Variants in TBC1D19 observed in about 807,000 individuals in gnomAD.
The protein encoded by TBC1D19 is TBC1 domain family member 19.
TBC1D19 carries 60 observed loss-of-function variants against 89.0 expected under a neutral mutation model. That is an observed-to-expected ratio of 0.67 (90% CI 0.55 to 0.84). The LOEUF (loss-of-function observed/expected upper bound fraction) is 0.84. TBC1D19 is among the 40% of genes least tolerant of loss of function. TBC1D19 has a pLI of 0.00. For synonymous variants in TBC1D19, 189 were observed against 199.7 expected (o/e 0.95, Z 0.45); for missense variants, 500 against 610.8 (o/e 0.82, Z 1.91).
chr4:26,653,269 A>C (rs1408875313), intron 7 of TBC1D19, among the ~76,000 whole-genome samples: 1 of 152,158 alleles, frequency 6.6e-6, no homozygotes, highest in African/African-American at 2.4e-5. Flanking sequence ...ACATTTGCTG[A>C]GGAGTGCTTT....
At chr4:26,722,927 T>C (rs949546788) in intron 15 of TBC1D19, among the ~76,000 whole-genome samples, 4 of 152,330 alleles carry the variant, frequency 2.6e-5, no homozygotes, top group Admixed American at 2.6e-4. Flanking sequence ...CCAAGCTGTC[T>C]GGCTTCAGAA....
intron 8 of TBC1D19, among the ~76,000 whole-genome samples, chr4:26,663,621 G>A (rs1364106460): frequency 2.0e-5 from 3 of 152,192 alleles, no homozygotes; most frequent in African/African-American, 7.2e-5. Flanking sequence ...AGCTATTGGA[G>A]AACCAAAAGC....
chr4:26,723,867 C>A (rs904329047), intron 15 of TBC1D19, among the ~76,000 whole-genome samples: 1 of 152,100 alleles, frequency 6.6e-6, no homozygotes, highest in Non-Finnish European at 1.5e-5. Context: ...TAAAATCAGT[C>A]AATCATCAGT....
chr4:26,663,976 A>T (rs910239476), intron 8 of TBC1D19, among the ~76,000 whole-genome samples: 2 of 152,214 alleles, frequency 1.3e-5, no homozygotes. Flanking sequence ...TAATTTGGTT[A>T]TGTGGAGACA....
chr4:26,732,178 T>C (rs1196207566), intron 15 of TBC1D19, among the ~76,000 whole-genome samples: 1 of 152,318 alleles, frequency 6.6e-6, no homozygotes, highest in Admixed American at 6.5e-5. Flanking sequence ...TCTACTCTGC[T>C]TCGTTAGAGG....
At position 26,584,284 on chromosome 4, in the gene TBC1D19, C is replaced by A. The variant is rs1264156490; in HGVS notation, c.91C>A (p.Gln31Lys). 3.7e-6 allele frequency: 6 copies of A among 1,609,834 alleles called. No individual in the cohort carries two copies. The highest frequency in any genetic ancestry group is 5.1e-6 in the Non-Finnish European group (6 of 1,178,436). ...GSNLYSQLER[Q>K]AWASLQRPEI... is the part of the protein sequence containing the mutation. ...CAATTTGTACTCTCAGCTGGAACGG[C>A]AGGCCTGGGTAAGTGAGGCCGAGTG... The change falls in exon 1 of 21, where the codon CAG (glutamine) becomes AAG (lysine). Residue 31 changes from glutamine to lysine, a missense_variant. Physicochemically the swap from Gln to Lys is moderately conservative, Grantham distance 53. This residue lies in a region of TBC1D19 where 280 missense variants were observed against 291.7 expected (regional missense o/e 0.96). Coordinates refer to ENST00000264866, the MANE Select transcript of TBC1D19 (RefSeq NM_018317.4).
intron 11 of TBC1D19, among the ~76,000 whole-genome samples, chr4:26,682,350 G>T (rs988667331): frequency 6.6e-6 from 1 of 152,150 alleles, no homozygotes; most frequent in Non-Finnish European, 1.5e-5. Context: ...AAATTTAAAT[G>T]ACTAAAAATA....
intron 4 of TBC1D19, among the ~76,000 whole-genome samples, chr4:26,624,891 C>T (rs1055472054): frequency 3.9e-5 from 6 of 152,124 alleles, no homozygotes; most frequent in East Asian, 3.9e-4. Context: ...TAGGAAGTTT[C>T]GTCCACGCAC....
intron 18 of TBC1D19, among the ~76,000 whole-genome samples, chr4:26,747,373 G>C (rs1718709301): frequency 6.6e-6 from 1 of 152,090 alleles, no homozygotes; most frequent in Non-Finnish European, 1.5e-5. Context: ...TATATAAAGA[G>C]ATATTCTAAA....
chr4:26,754,654 G>A (rs1719170437), intron 20 of TBC1D19, among the ~76,000 whole-genome samples: 1 of 152,102 alleles, frequency 6.6e-6, no homozygotes. Context: ...AGAAGACTGA[G>A]GCTAACATCC....
chr4:26,734,918 A>T (rs1265110844), intron 15 of TBC1D19, among the ~76,000 whole-genome samples: 3 of 104,954 alleles, frequency 2.9e-5, no homozygotes, highest in Admixed American at 1.2e-4. Flanking sequence ...ACACATGTGT[A>T]CATACACATA....
chr4:26,594,241 CA>C (rs1393506216), intron 1 of TBC1D19, among the ~76,000 whole-genome samples: 2 of 152,032 alleles, frequency 1.3e-5, no homozygotes, highest in East Asian at 3.9e-4. Context: ...ATCGCATGGA[CA>C]AAAAACCAAA....
rs1004169267 is a variant in TBC1D19 at position 26,584,094 on chromosome 4, G to A, written c.-100G>A. The A allele has an allele frequency of 9.3e-6, 11 of 1,186,052 alleles. No homozygotes were observed. In the South Asian group the frequency reaches 9.4e-5, roughly 10 times the overall value. The allele number at this position is 1,186,052 out of a possible 1,614,324, so 73.5% of individuals were successfully genotyped here. On this transcript the variant is annotated 5_prime_UTR_variant, in exon 1 of 21. Transcript: ENST00000264866. ...CGCTGGAGGAGTCCCAGTGTAATAA[G>A]GTCCCGGAGAAGTGTCACTGGCCCT...
At chr4:26,759,894 A>G (rs145853163), downstream of TBC1D19, among the ~76,000 whole-genome samples, 2 of 152,306 alleles carry the variant, frequency 1.3e-5, no homozygotes, top group African/African-American at 4.8e-5. Flanking sequence ...GTTTGGGTGT[A>G]TTATGGATAC....
chr4:26,827,794 C>T, the TBC1D19 span, among the ~76,000 whole-genome samples: 1 of 150,984 alleles, frequency 6.6e-6, no homozygotes, highest in South Asian at 2.1e-4. Flanking sequence ...CAATAATGCA[C>T]ACTGCAGCCT....
At chr4:26,785,768 C>T in the TBC1D19 span, among the ~76,000 whole-genome samples, 1 of 152,148 alleles carries the variant, frequency 6.6e-6, no homozygotes, top group African/African-American at 2.4e-5. Context: ...GGAACAGATT[C>T]AGTTTCAGAC....
intron 1 of TBC1D19, among the ~76,000 whole-genome samples, chr4:26,588,808 T>C (rs1739589831): frequency 6.6e-6 from 1 of 152,214 alleles, no homozygotes; most frequent in East Asian, 1.9e-4. Context: ...TGTTTTATCT[T>C]GTTTGTTTCA....
chr4:26,665,220 A>G (rs933490664), intron 8 of TBC1D19, among the ~76,000 whole-genome samples: 5 of 152,152 alleles, frequency 3.3e-5, no homozygotes, highest in Admixed American at 6.6e-5. Context: ...AAATTGAAAT[A>G]TAGTAGTAGT....
the TBC1D19 span, among the ~76,000 whole-genome samples, chr4:26,844,643 T>C: frequency 1.3e-5 from 2 of 152,240 alleles, no homozygotes; most frequent in African/African-American, 4.8e-5. Context: ...AAAACTGCGA[T>C]CCTATGCTAA....
Sources: gnomAD v4.1 joint callset for allele counts (sites outside exome capture counted in the v4.1 genomes callset) on GRCh38, gnomAD v4.1.1 for gene constraint, gnomAD v4.1.1 regional missense constraint, MANE v1.5 for transcripts, NCBI Gene and HGNC (gene_info 2026-07-23, HGNC 2026-07-21) for gene names.